AHCYL2: variants seen among roughly 807,000 people sequenced by gnomAD.
The protein encoded by AHCYL2 is adenosylhomocysteinase like 2, also known as S-adenosylhomocysteine hydrolase-like protein 2.
Under a neutral mutation model 81.4 loss-of-function variants are expected in AHCYL2, and 28 were observed. The ratio of observed to expected loss-of-function variants is 0.34; its 90% CI spans 0.25 to 0.47. The LOEUF (loss-of-function observed/expected upper bound fraction) is 0.47, where lower values mean the gene tolerates loss of function less well. Among genes scored for constraint, AHCYL2 ranks in the 20% least tolerant of loss-of-function variants. AHCYL2 has a pLI of 1.00. For synonymous variants in AHCYL2, 272 were observed against 290.2 expected (o/e 0.94, Z 0.64); for missense variants, 551 against 785.1 (o/e 0.70, Z 3.56).
In AHCYL2 at chr7:129,242,893, C is replaced by T. The variant is rs144812184; in HGVS notation, c.363+17454C>T. Among the ~76,000 whole-genome samples, 245 of 152,134 alleles carry T rather than the reference C, an allele frequency of 1.6e-3. 3 individuals are homozygous for T. The highest frequency in any genetic ancestry group is 4.9e-3 in the Admixed American group (75 of 15,272). On this transcript the variant is annotated intron_variant, in intron 1 of 16. Coordinates refer to ENST00000325006, the MANE Select transcript of AHCYL2 (RefSeq NM_015328.4). ...TCTCTGTTGTTTTAATTTGCATTTC[C>T]TTGGATAGTGAGATTGAGTTTCTTC...
At chr7:129,330,780 A>G (rs1446370561) in intron 1 of AHCYL2, among the ~76,000 whole-genome samples, 1 of 152,256 alleles carries the variant, frequency 6.6e-6, no homozygotes, top group Non-Finnish European at 1.5e-5. Flanking sequence ...TTTTTTAAAA[A>G]AGGAAATTAA....
intron 1 of AHCYL2, among the ~76,000 whole-genome samples, chr7:129,297,767 A>G (rs1797103876): frequency 6.6e-6 from 1 of 152,092 alleles, no homozygotes; most frequent in South Asian, 2.1e-4. Context: ...CATGCTTGTA[A>G]TCCCAGCACT....
chr7:129,331,391 T>G (rs918152461), intron 1 of AHCYL2, among the ~76,000 whole-genome samples: 1 of 152,136 alleles, frequency 6.6e-6, no homozygotes, highest in Non-Finnish European at 1.5e-5. Flanking sequence ...TATTATAAAT[T>G]TATAAACAAC....
At chr7:129,337,403 A>T in intron 1 of AHCYL2, among the ~76,000 whole-genome samples, 1 of 151,828 alleles carries the variant, frequency 6.6e-6, no homozygotes, top group East Asian at 2.0e-4. Context: ...ATTTATTTTT[A>T]TTTTTTATTT....
chr7:129,413,143 G>C (rs1230481820), intron 11 of AHCYL2, among the ~76,000 whole-genome samples: 2 of 129,104 alleles, frequency 1.5e-5, no homozygotes, highest in African/African-American at 6.4e-5. Context: ...TGCCTGGCCT[G>C]CTTTTTTTTT....
intron 1 of AHCYL2, among the ~76,000 whole-genome samples, chr7:129,242,846 A>C (rs1260758024): frequency 1.3e-5 from 2 of 152,244 alleles, no homozygotes; most frequent in East Asian, 3.9e-4. Flanking sequence ...GTCGTCAGAC[A>C]TTAAACTTCT....
chr7:129,229,001 G>GA (rs1347727597), intron 1 of AHCYL2, among the ~76,000 whole-genome samples: 4 of 152,034 alleles, frequency 2.6e-5, no homozygotes, highest in Non-Finnish European at 4.4e-5. Context: ...GTACTGCTCT[G>GA]AAAAGTGTTC....
At chr7:129,382,962 A>AG (rs1795035892) in intron 2 of AHCYL2, among the ~76,000 whole-genome samples, 5 of 152,082 alleles carry the variant, frequency 3.3e-5, no homozygotes, top group African/African-American at 1.2e-4. Context: ...AGCCCCAAAG[A>AG]CTCATCCTTG....
At chr7:129,307,602 T>A (rs1213698254) in intron 1 of AHCYL2, among the ~76,000 whole-genome samples, 1 of 151,962 alleles carries the variant, frequency 6.6e-6, no homozygotes, top group Non-Finnish European at 1.5e-5. Flanking sequence ...TTCCCCACTT[T>A]GACTGAACTG....
Position 129,425,141 on chromosome 7 carries a change from GGTAA to G in AHCYL2, c.1708+4_1708+7del. ...TGTCTACCTGTTGCCCAAGAAGATG[GGTAA>G]GTATTTACTCTTCCATCTCCATCCT... On this transcript the variant is annotated splice_donor_variant and splice_donor_region_variant and intron_variant, in intron 15 of 16. Coordinates refer to ENST00000325006, the MANE Select transcript of AHCYL2 (RefSeq NM_015328.4). LOFTEE classifies it high-confidence loss of function. The G allele has an allele frequency of 6.2e-7, 1 of 1,611,996 alleles. No homozygotes were observed.
At chr7:129,279,774 C>G (rs1365177771) in intron 1 of AHCYL2, among the ~76,000 whole-genome samples, 1 of 152,206 alleles carries the variant, frequency 6.6e-6, no homozygotes, top group Non-Finnish European at 1.5e-5. Flanking sequence ...AAGGGGTCCC[C>G]TTCCTTTTAG....
chr7:129,294,935 G>C (rs1324505295), intron 1 of AHCYL2, among the ~76,000 whole-genome samples: 1 of 152,162 alleles, frequency 6.6e-6, no homozygotes, highest in Non-Finnish European at 1.5e-5. Flanking sequence ...TGTGTTTGCT[G>C]GCTTTGAAAA....
intron 4 of AHCYL2, among the ~76,000 whole-genome samples, chr7:129,395,867 C>T (rs1002240371): frequency 3.3e-5 from 5 of 152,154 alleles, no homozygotes; most frequent in Non-Finnish European, 5.9e-5. Context: ...CCCAGCCTTT[C>T]GTAATTGTTC....
intron 1 of AHCYL2, among the ~76,000 whole-genome samples, chr7:129,280,177 A>ATTTTTTTTTTTTT (rs1563179007): frequency 1.3e-4 from 2 of 15,434 alleles, no homozygotes; most frequent in South Asian, 5.6e-3. Flanking sequence ...TTTGCTAAAT[A>ATTTTTTTTTTTTT]CTTTTTTTTT....
intron 1 of AHCYL2, among the ~76,000 whole-genome samples, chr7:129,376,414 C>T (rs890899661): frequency 1.3e-5 from 2 of 152,174 alleles, no homozygotes; most frequent in African/African-American, 2.4e-5. Context: ...AACTTGAATT[C>T]GGTGTCTAAC....
chr7:129,371,152 GT>G (rs1794392590), intron 1 of AHCYL2, among the ~76,000 whole-genome samples: 1 of 152,168 alleles, frequency 6.6e-6, no homozygotes, highest in African/African-American at 2.4e-5. Flanking sequence ...TCAATTTAAA[GT>G]TTTAACGAGT....
intron 10 of AHCYL2, 117 bp from the exon 11 acceptor site, chr7:129,409,359 A>G: frequency 2.8e-6 from 2 of 704,600 alleles, no homozygotes; most frequent in Non-Finnish European, 4.8e-6. Context: ...TTCACTTCTA[A>G]GAATAGTTCA....
intron 1 of AHCYL2, among the ~76,000 whole-genome samples, chr7:129,319,400 A>G (rs1270084370): frequency 6.6e-6 from 1 of 152,074 alleles, no homozygotes; most frequent in Non-Finnish European, 1.5e-5. Context: ...CAGTGAGCCA[A>G]GATCACACCA....
chr7:129,397,264 T>A lies in AHCYL2; in HGVS notation c.763T>A (p.Trp255Arg). 1 of 1,614,192 alleles carries A rather than the reference T, an allele frequency of 6.2e-7. No individual in the cohort carries two copies. Among genetic ancestry groups the A allele is most frequent in the Non-Finnish European group, 8.5e-7 (1 of 1,180,022 alleles). ...GGGTGCTCTGGGGGCCCAGTGCCGATGGGCTGCCTGCAACATCTATTCCAC... is the reference window on the plus strand; with the variant it reads ...GGGTGCTCTGGGGGCCCAGTGCCGAAGGGCTGCCTGCAACATCTATTCCAC... ...TLGALGAQCR[W>R]AACNIYSTLN... The change falls in exon 5 of 17, where the codon TGG (tryptophan) becomes AGG (arginine). Residue 255 changes from tryptophan (W) to arginine (R), a missense_variant. Trp to Arg is a moderately radical substitution (Grantham distance 101). Coordinates refer to ENST00000325006, the MANE Select transcript of AHCYL2 (RefSeq NM_015328.4).
Sources: gnomAD v4.1 joint callset for allele counts (sites outside exome capture counted in the v4.1 genomes callset) on GRCh38, gnomAD v4.1.1 for gene constraint, MANE v1.5 for transcripts, NCBI Gene and HGNC (gene_info 2026-07-23, HGNC 2026-07-21) for gene names.